SEC14L1: variants seen among roughly 807,000 people sequenced by gnomAD.
SEC14L1 encodes SEC14 like lipid binding 1, also known as SEC14-like protein 1.
Under a neutral mutation model 85.3 loss-of-function variants are expected in SEC14L1, and 48 were observed. The observed-to-expected ratio is 0.56, with a 90% CI of 0.45 to 0.72. The LOEUF (loss-of-function observed/expected upper bound fraction) is 0.72. Among genes scored for constraint, SEC14L1 ranks in the 30% least tolerant of loss-of-function variants. The probability of loss-of-function intolerance (pLI) is 0.00; values close to 1 mark genes in which losing one functional copy is unlikely to be tolerated. For synonymous variants in SEC14L1, 391 were observed against 355.5 expected, an observed-to-expected ratio of 1.10 and a Z score of -1.12; for missense variants, 682 against 921.4, an observed-to-expected ratio of 0.74 and a Z score of 3.36.
chr17:77,210,326 C>T (rs1976684051), intron 14 of SEC14L1: 1 of 152,326 alleles, frequency 6.6e-6, no homozygotes, highest in African/African-American at 2.4e-5. Context: ...TGTAGCATCA[C>T]GAGTGACCTG....
chr17:77,152,784 G>T (rs1160677044), intron 3 of SEC14L1: 3 of 152,158 alleles, frequency 2.0e-5, no homozygotes, highest in African/African-American at 2.4e-5. Context: ...TTTCTCACTT[G>T]TCTAAAAAAT....
At chr17:77,107,597 T>C (rs989138880) in intron 3 of SEC14L1, among the ~76,000 whole-genome samples, 6 of 149,162 alleles carry the variant, frequency 4.0e-5, no homozygotes, top group Admixed American at 2.0e-4. Context: ...CAGGAGTCCG[T>C]AGACCAGGTC....
intron 2 of SEC14L1, among the ~76,000 whole-genome samples, chr17:77,091,881 A>G (rs952262629): frequency 2.0e-5 from 3 of 151,010 alleles, no homozygotes; most frequent in African/African-American, 7.3e-5. Context: ...GTGCGATCTC[A>G]GCTCACTGCA....
At chr17:77,155,607 C>T (rs189918623) in intron 3 of SEC14L1, among the ~76,000 whole-genome samples, 1 of 152,260 alleles carries the variant, frequency 6.6e-6, no homozygotes, top group Non-Finnish European at 1.5e-5. Flanking sequence ...GCCTCTGGAC[C>T]CTGAGTCTAC....
chr17:77,153,218 C>T (rs1055311644), intron 3 of SEC14L1, among the ~76,000 whole-genome samples: 12 of 152,320 alleles, frequency 7.9e-5, no homozygotes, highest in African/African-American at 2.6e-4. Flanking sequence ...AGGCATGCGC[C>T]ACCACGCCCG....
intron 8 of SEC14L1, 73 bp from the exon 9 acceptor site, chr17:77,200,411 C>T (rs990837125): frequency 6.0e-5 from 72 of 1,201,876 alleles, no homozygotes; most frequent in Middle Eastern, 2.8e-4. Context: ...TCAAGCGATC[C>T]GTCCACCGCA....
Position 77,214,598 on chromosome 17 carries a change from G to GACAC in SEC14L1, c.*578_*581dup. On this transcript the variant is annotated 3_prime_UTR_variant, in exon 17 of 17. Transcript: ENST00000436233. ...TGCGGAGTACCTTGTCCCAGGGCCA[G>GACAC]ACACACCCACACCACCCACTGTCCT... The GACAC allele has an allele frequency of 1.0e-6, 1 of 987,534 alleles. No individual in the cohort carries two copies. The highest frequency in any genetic ancestry group is 4.7e-5 in the South Asian group (1 of 21,442). The allele number at this position is 987,534 out of a possible 1,614,324, so 61.2% of individuals were successfully genotyped here. A position where few individuals can be genotyped will look rare whatever the true frequency, so the allele number is the denominator to read the frequency against.
chr17:77,098,049 G>A (rs568166729), intron 3 of SEC14L1, among the ~76,000 whole-genome samples: 7 of 152,286 alleles, frequency 4.6e-5, no homozygotes, highest in Non-Finnish European at 1.0e-4. Context: ...TGATGAGAGG[G>A]CTGGGGGGCT....
At chr17:77,139,989 A>G (rs1373308963), upstream of SEC14L1, among the ~76,000 whole-genome samples, 1 of 152,208 alleles carries the variant, frequency 6.6e-6, no homozygotes, top group African/African-American at 2.4e-5. Context: ...CGTTCTGTCC[A>G]ATGGCAGCAT....
In SEC14L1 at chr17:77,214,321, CGTG is replaced by C; in HGVS notation, c.*301_*303del. 4 of 1,134,868 alleles carry C rather than the reference CGTG, an allele frequency of 3.5e-6. No homozygotes were observed. The highest frequency in any genetic ancestry group is 1.6e-5 in the African/African-American group (1 of 62,502). 70.3% of individuals were successfully genotyped at this position (1,134,868 alleles called of 1,614,324 possible). Reference sequence around the variant, plus strand: ...GTTTCTGTACCAATTAAAGGATTGACGTGGTCTCAGATATTGATGCAAAAAATT... The same window carrying C: ...GTTTCTGTACCAATTAAAGGATTGACGTCTCAGATATTGATGCAAAAAATT... On this transcript the variant is annotated 3_prime_UTR_variant, in exon 17 of 17. Transcript: ENST00000436233.
intron 3 of SEC14L1, among the ~76,000 whole-genome samples, chr17:77,100,038 C>CTAAG (rs1971730791): frequency 6.6e-6 from 1 of 152,242 alleles, no homozygotes; most frequent in South Asian, 2.1e-4. Context: ...TAACACTAGG[C>CTAAG]TAAGCTTCCC....
intron 3 of SEC14L1, among the ~76,000 whole-genome samples, chr17:77,187,365 C>G (rs904099638): frequency 6.6e-6 from 1 of 150,950 alleles, no homozygotes; most frequent in Non-Finnish European, 1.5e-5. Flanking sequence ...TTCTTACTAC[C>G]CTATGCCCCC....
At chr17:77,136,859 A>C (rs1314331303), upstream of SEC14L1, among the ~76,000 whole-genome samples, 2 of 152,152 alleles carry the variant, frequency 1.3e-5, no homozygotes, top group Non-Finnish European at 2.9e-5. Flanking sequence ...ATTTATAAAG[A>C]AAAAAAGTTT....
chr17:77,097,512 C>T (rs1159534892), intron 3 of SEC14L1, among the ~76,000 whole-genome samples: 6 of 150,772 alleles, frequency 4.0e-5, no homozygotes, highest in African/African-American at 7.3e-5. Context: ...TGCAGTGAGC[C>T]GGGATTGTGC....
intron 3 of SEC14L1, among the ~76,000 whole-genome samples, chr17:77,108,296 G>A (rs1274998414): frequency 1.3e-5 from 2 of 152,190 alleles, no homozygotes; most frequent in African/African-American, 4.8e-5. Context: ...TCATAACCCA[G>A]TTCTGTCCGG....
At chr17:77,175,745 G>C (rs898394407) in intron 3 of SEC14L1, among the ~76,000 whole-genome samples, 5 of 152,170 alleles carry the variant, frequency 3.3e-5, no homozygotes, top group Non-Finnish European at 5.9e-5. Flanking sequence ...GAGCACATTA[G>C]ATAATATTAT....
At chr17:77,196,891 G>C (rs1014820917) in intron 8 of SEC14L1, among the ~76,000 whole-genome samples, 3 of 152,242 alleles carry the variant, frequency 2.0e-5, no homozygotes, top group Non-Finnish European at 4.4e-5. Context: ...CTGCAGTGAT[G>C]ATGGCCACCG....
upstream of SEC14L1, among the ~76,000 whole-genome samples, chr17:77,139,389 C>G (rs1299506095): frequency 6.6e-6 from 1 of 151,972 alleles, no homozygotes; most frequent in African/African-American, 2.4e-5. Context: ...CCAGGATGGT[C>G]TCAAACTCCT....
At chr17:77,212,545 C>T (rs1250368863) in intron 15 of SEC14L1, among the ~76,000 whole-genome samples, 2 of 152,142 alleles carry the variant, frequency 1.3e-5, no homozygotes, top group Admixed American at 6.5e-5. Context: ...GGAAAATCAC[C>T]CTAAATAGAA....
Sources: gnomAD v4.1 joint callset for allele counts (sites outside exome capture counted in the v4.1 genomes callset) on GRCh38, gnomAD v4.1.1 for gene constraint, MANE v1.5 for transcripts, NCBI Gene and HGNC (gene_info 2026-07-23, HGNC 2026-07-21) for gene names.